Variants in PBRM1 observed in about 807,000 individuals in gnomAD.
The protein encoded by PBRM1 is protein polybromo-1.
A neutral mutation model predicts 194.5 loss-of-function variants in PBRM1; 27 were observed. The observed-to-expected ratio is 0.14, with a 90% confidence interval of 0.10 to 0.19. PBRM1 has a LOEUF of 0.19. Among genes scored for constraint, PBRM1 ranks in the 10% least tolerant of loss-of-function variants. PBRM1 has a pLI of 1.00. For synonymous variants in PBRM1, 655 were observed against 693.2 expected (o/e 0.94, Z 0.87); for missense variants, 1,466 against 2,077.2 (o/e 0.71, Z 5.72).
At chr3:52,659,066 G>A (rs992257478) in intron 4 of PBRM1, among the ~76,000 whole-genome samples, 1 of 152,054 alleles carries the variant, frequency 6.6e-6, no homozygotes, top group African/African-American at 2.4e-5. Flanking sequence ...TTAACCACGG[G>A]GTGCTCTACC....
At chr3:52,580,537 T>C (rs555428116) in intron 20 of PBRM1, among the ~76,000 whole-genome samples, 27 of 152,176 alleles carry the variant, frequency 1.8e-4, no homozygotes, top group African/African-American at 5.8e-4. Context: ...TTTTTTTTTG[T>C]ATTTTTAGTA....
chr3:52,580,742 T>C (rs1458065669), intron 20 of PBRM1, among the ~76,000 whole-genome samples: 2 of 152,216 alleles, frequency 1.3e-5, no homozygotes, highest in African/African-American at 4.8e-5. Context: ...TTTGACCTCT[T>C]ATGCCTTAGT....
intron 27 of PBRM1, 30 bp from the exon 30 acceptor site, chr3:52,550,847 G>C (rs1441418845): frequency 1.4e-6 from 2 of 1,457,794 alleles, no homozygotes; most frequent in East Asian, 4.5e-5. Context: ...GGCACAGTTA[G>C]AGGCTCTGGG....
At position 52,561,706 on chromosome 3, in the gene PBRM1, C is replaced by T. The variant is rs1033072012; in HGVS notation, c.4288+61G>A. On this transcript the variant is annotated intron_variant, in intron 25 of 29. Transcript: ENST00000296302. ...AGAACAAGAGTAAAACCTGTCTGTGCGCGTGCATTCCTGAAACACCCCCTT... is the reference window on the plus strand; with the variant it reads ...AGAACAAGAGTAAAACCTGTCTGTGTGCGTGCATTCCTGAAACACCCCCTT... 84 of 1,378,580 alleles carry T rather than the reference C, an allele frequency of 6.1e-5. No homozygotes were observed. In the Middle Eastern group the frequency reaches 7.4e-4, roughly 12 times the overall value. 85.4% of individuals were successfully genotyped at this position (1,378,580 alleles called of 1,614,324 possible). A position where few individuals can be genotyped will look rare whatever the true frequency, so the allele number is the denominator to read the frequency against.
intron 26 of PBRM1, 37 bp from the exon 29 acceptor site, chr3:52,554,916 A>G: frequency 1.3e-6 from 2 of 1,584,222 alleles, no homozygotes; most frequent in Admixed American, 1.7e-5. Flanking sequence ...ATGCATCATT[A>G]ACATGCAACA....
intron 22 of PBRM1, among the ~76,000 whole-genome samples, chr3:52,567,948 C>T (rs959005016): frequency 2.3e-4 from 35 of 151,394 alleles, no homozygotes; most frequent in African/African-American, 8.5e-4. Flanking sequence ...CGTGCCCAGC[C>T]GGGTATATTT....
chr3:52,597,559 A>G (rs1388740593), intron 17 of PBRM1, among the ~76,000 whole-genome samples: 1 of 152,028 alleles, frequency 6.6e-6, no homozygotes, highest in African/African-American at 2.4e-5. Flanking sequence ...AGGGACAGAG[A>G]GACTAGAATT....
Position 52,609,143 on chromosome 3 carries a change from C to G in PBRM1, c.2567+170G>C, listed in dbSNP as rs939249556. ...TTAGTGGTGTGCCTTCTCTCCCCCA[C>G]AGAATATACTCACTCTTAAGAAGTT... On this transcript the variant is annotated intron_variant, in intron 16 of 29. Coordinates refer to ENST00000296302, the Ensembl canonical transcript of PBRM1. The surrounding 1 kb of genome is among the most constrained non-coding windows in gnomAD (Gnocchi z 4.1). 1.7e-6 allele frequency: 1 copy of G among 589,712 alleles called. No homozygotes were observed. Among genetic ancestry groups the G allele is most frequent in the Non-Finnish European group, 2.9e-6 (1 of 339,816 alleles). The allele number at this position is 589,712 out of a possible 1,614,324, so 36.5% of individuals were successfully genotyped here. A position where few individuals can be genotyped will look rare whatever the true frequency, so the allele number is the denominator to read the frequency against.
At chr3:52,662,824 T>TA (rs34605756) in intron 3 of PBRM1, among the ~76,000 whole-genome samples, 4,146 of 130,650 alleles carry the variant, frequency 0.032, 156 homozygotes, top group African/African-American at 0.096. Flanking sequence ...GACTCTGTCT[T>TA]AAAAAAAAAA....
intron 1 of PBRM1, chr3:52,684,736 G>C (rs2154089567): frequency 2.0e-5 from 3 of 152,206 alleles, no homozygotes. Flanking sequence ...TACTTATCTT[G>C]GGAATTTTGG....
chr3:52,561,505 T>C (rs1350407100), intron 25 of PBRM1, among the ~76,000 whole-genome samples: 1 of 152,194 alleles, frequency 6.6e-6, no homozygotes, highest in Non-Finnish European at 1.5e-5. Flanking sequence ...AAAAAAATCA[T>C]GCAATTTTTA....
chr3:52,636,507 C>A (rs1465199701), intron 10 of PBRM1, among the ~76,000 whole-genome samples: 2 of 151,106 alleles, frequency 1.3e-5, no homozygotes, highest in Non-Finnish European at 2.9e-5. Flanking sequence ...CCTGTAATCC[C>A]AGCACTTTGG....
intron 22 of PBRM1, among the ~76,000 whole-genome samples, chr3:52,566,939 T>C (rs2085408173): frequency 6.6e-6 from 1 of 151,842 alleles, no homozygotes; most frequent in Non-Finnish European, 1.5e-5. Context: ...CGTGGTAGCT[T>C]GCGCCTGTAA....
Position 52,616,624 on chromosome 3 carries a change from C to T in PBRM1, c.1818+638G>A, listed in dbSNP as rs555940845. 2.0e-5 allele frequency among the ~76,000 whole-genome samples: 3 copies of T among 152,254 alleles called. No individual in the cohort carries two copies. In the South Asian group the frequency reaches 6.2e-4, roughly 32 times the overall value. ...AGGAGAATGGCATGAACCCGGGAGG[C>T]GGAGCTTGCAGTGAGCTGAGATGGC... On this transcript the variant is annotated intron_variant, in intron 14 of 29. Coordinates refer to ENST00000296302, the Ensembl canonical transcript of PBRM1.
exon 21 of PBRM1, chr3:52,579,114 A>G (rs2153685805): frequency 6.2e-7 from 1 of 1,614,188 alleles, no homozygotes; most frequent in Non-Finnish European, 8.5e-7. Flanking sequence ...GCCAACCTTC[A>G]GCCACATGTC....
At chr3:52,572,118 C>T (rs192037890) in intron 22 of PBRM1, among the ~76,000 whole-genome samples, 179 of 145,996 alleles carry the variant, frequency 1.2e-3, no homozygotes, top group African/African-American at 4.4e-3. Flanking sequence ...TTCTACATAC[C>T]TAATATTTTT....
chr3:52,603,590 T>G (rs1222899722), exon 17 of PBRM1: 1 of 1,611,530 alleles, frequency 6.2e-7, no homozygotes, highest in Non-Finnish European at 8.5e-7. Context: ...TTTCTCTCTT[T>G]CTCCACATCA....
intron 10 of PBRM1, among the ~76,000 whole-genome samples, chr3:52,640,966 A>T (rs530834077): frequency 5.3e-5 from 8 of 152,178 alleles, no homozygotes; most frequent in Non-Finnish European, 1.2e-4. Flanking sequence ...TCAGTAAAAA[A>T]CAATGCTAAC....
chr3:52,661,865 G>C (rs2096732563), intron 4 of PBRM1, among the ~76,000 whole-genome samples: 1 of 152,152 alleles, frequency 6.6e-6, no homozygotes, highest in African/African-American at 2.4e-5. Flanking sequence ...ATAATATCAA[G>C]ATTCTCTTTA....
Sources: gnomAD v4.1 joint callset for allele counts (sites outside exome capture counted in the v4.1 genomes callset) on GRCh38, gnomAD v4.1.1 for gene constraint, Gnocchi (gnomAD v3.1) non-coding constraint, MANE v1.5 for transcripts, NCBI Gene and HGNC (gene_info 2026-07-23, HGNC 2026-07-21) for gene names.